Variants in C11orf16 observed in about 807,000 individuals in gnomAD.
C11orf16 encodes the protein uncharacterized protein C11orf16.
Under a neutral mutation model 45.1 loss-of-function variants are expected in C11orf16, and 38 were observed. That is an observed-to-expected ratio of 0.84 (90% CI 0.65 to 1.10). The LOEUF is 1.10. C11orf16 is among the 50% of genes least tolerant of loss of function. C11orf16 has a pLI of 0.00. For missense variants in C11orf16, 583 were observed against 569.5 expected, an observed-to-expected ratio of 1.02 and a Z score of -0.24; for synonymous variants, 221 against 222.0, an observed-to-expected ratio of 1.00 and a Z score of 0.04.
At chr11:8,924,904 GC>G (rs2064599529) in intron 5 of C11orf16, among the ~76,000 whole-genome samples, 1 of 152,198 alleles carries the variant, frequency 6.6e-6, no homozygotes, top group African/African-American at 2.4e-5. Context: ...GCAGTGTGGG[GC>G]TGGCTGCAGA....
At chr11:8,929,618 G>A in intron 2 of C11orf16, 85 bp from the exon 3 acceptor site, 1 of 1,246,736 alleles carries the variant, frequency 8.0e-7, no homozygotes, top group Non-Finnish European at 1.1e-6. Context: ...TACATCTGAG[G>A]TACACCACAG....
chr11:8,932,298 G>A lies in C11orf16; in HGVS notation c.11C>T (p.Ser4Phe), dbSNP rs758900749. 6.2e-6 allele frequency: 10 copies of A among 1,604,530 alleles called. No individual in the cohort carries two copies. The highest frequency in any genetic ancestry group is 8.5e-6 in the Non-Finnish European group (10 of 1,175,888). The stretch of plus-strand genomic sequence containing the variant: ...GAGCAAAGGCATCCTGGGCCCCGTG[G>A]AGGATTCCATGGCCTTCAGAGGATC... MESSTGPRMPLLKY... is the reference protein window; with the variant it reads MESFTGPRMPLLKY... The change falls in exon 2 of 7, where the codon TCC (serine) becomes TTC (phenylalanine). Residue 4 changes from serine (S) to phenylalanine (F), a missense_variant. Ser to Phe is a radical substitution (Grantham distance 155, BLOSUM62 -2). Coordinates refer to ENST00000326053, the MANE Select transcript of C11orf16 (RefSeq NM_020643.3).
chr11:8,927,245 A>G, intron 3 of C11orf16, 71 bp from the exon 4 acceptor site: 2 of 1,246,468 alleles, frequency 1.6e-6, no homozygotes, highest in South Asian at 2.7e-5. Context: ...CAGGTTCCCT[A>G]CGATGCCCCC....
intron 5 of C11orf16, among the ~76,000 whole-genome samples, chr11:8,922,572 T>C (rs906073375): frequency 6.6e-6 from 1 of 152,200 alleles, no homozygotes; most frequent in Non-Finnish European, 1.5e-5. Context: ...TATTAGGATC[T>C]AATTGGAACC....
Position 8,932,237 on chromosome 11 carries a change from A to G in C11orf16, c.72T>C (p.Pro24=), listed in dbSNP as rs988957929. ...AAGGTGGAGCAGCACCGTCCCAGCC[A>G]GGGGCCTTCAGGCTTGTGGCCACGC... The part of the protein sequence containing the change: ...YCSVATSLKA[P]GWDGAAPPWD... Residue 24 remains proline, a synonymous_variant, in exon 2 of 7, where the codon CCT becomes CCC. Transcript: ENST00000326053. 1 of 1,609,750 alleles carries G rather than the reference A, an allele frequency of 6.2e-7. No individual in the cohort carries two copies. The highest frequency in any genetic ancestry group is 8.5e-7 in the Non-Finnish European group (1 of 1,178,254).
chr11:8,920,693 T>C (rs1468781309), intron 6 of C11orf16, among the ~76,000 whole-genome samples: 1 of 152,156 alleles, frequency 6.6e-6, no homozygotes, highest in Non-Finnish European at 1.5e-5. Context: ...TGGTGGCATG[T>C]GCCTAGCTAC....
At chr11:8,920,900 C>T (rs932151084) in intron 6 of C11orf16, among the ~76,000 whole-genome samples, 20 of 152,258 alleles carry the variant, frequency 1.3e-4, no homozygotes, top group African/African-American at 4.8e-4. Context: ...CTCCCAGTTT[C>T]GTTGCCTGGT....
At chr11:8,931,264 C>T (rs1046339655) in intron 2 of C11orf16, among the ~76,000 whole-genome samples, 28 of 152,056 alleles carry the variant, frequency 1.8e-4, no homozygotes, top group Non-Finnish European at 4.4e-5. Context: ...CACTCTGTTC[C>T]CTAGGCTCGA....
At position 8,925,590 on chromosome 11, in the gene C11orf16, C is replaced by CA; in HGVS notation, c.1076dup (p.Met360AspfsTer14). 6.2e-7 allele frequency: 1 copy of CA among 1,614,282 alleles called. No individual in the cohort carries two copies. The highest frequency in any genetic ancestry group is 1.3e-5 in the African/African-American group (1 of 75,080). On this transcript the variant is annotated frameshift_variant, in exon 5 of 7. Coordinates refer to ENST00000326053, the MANE Select transcript of C11orf16 (RefSeq NM_020643.3). LOFTEE classifies it high-confidence loss of function. ...CTGTGTTGACTGCACTGTTCACCATCAGTCTCTGGGGAGGGCCCATCTCCA... is the reference window on the plus strand; with the variant it reads ...CTGTGTTGACTGCACTGTTCACCATCAAGTCTCTGGGGAGGGCCCATCTCCA...
At chr11:8,931,543 C>T (rs554252691) in intron 2 of C11orf16, among the ~76,000 whole-genome samples, 30 of 152,338 alleles carry the variant, frequency 2.0e-4, no homozygotes, top group South Asian at 8.3e-4. Flanking sequence ...TCACCCGCCA[C>T]CATGCCTGGC....
intron 5 of C11orf16, among the ~76,000 whole-genome samples, chr11:8,922,242 G>A (rs1251465606): frequency 1.3e-5 from 2 of 152,094 alleles, no homozygotes; most frequent in East Asian, 3.9e-4. Context: ...GTGCATTGGT[G>A]CACACCTGTA....
In C11orf16 at chr11:8,927,155, AGGAC is replaced by A; in HGVS notation, c.340_343del (p.Val114CysfsTer24). ...AAGAGGAGCCTCGAATTCCACAAGCAGGACCCCCTGTCTCTCCAGCTGTGGGAAA... is the reference window on the plus strand; with the variant it reads ...AAGAGGAGCCTCGAATTCCACAAGCACCCCTGTCTCTCCAGCTGTGGGAAA... On this transcript the variant is annotated frameshift_variant, in exon 4 of 7. Transcript: ENST00000326053. LOFTEE classifies it high-confidence loss of function. 1 of 1,613,932 alleles carries A rather than the reference AGGAC, an allele frequency of 6.2e-7. No individual in the cohort carries two copies.
intron 3 of C11orf16, 74 bp from the exon 4 acceptor site, chr11:8,927,248 A>G: frequency 8.3e-7 from 1 of 1,200,262 alleles, no homozygotes; most frequent in Non-Finnish European, 1.2e-6. Context: ...GTTCCCTACG[A>G]TGCCCCCCAA....
chr11:8,932,945 TCTGACAGTTGGGGCTCAGGGTCTC>T (rs1263914889), exon 1 of C11orf16: 2 of 152,510 alleles, frequency 1.3e-5, no homozygotes, highest in Admixed American at 6.5e-5. Context: ...TCAGGCTCCT[TCTGACAGTTGGGGCTCAGGGTCTC>T]AGCCCAACCG....
chr11:8,931,031 G>A (rs764489754), intron 2 of C11orf16, among the ~76,000 whole-genome samples: 1 of 152,094 alleles, frequency 6.6e-6, no homozygotes, highest in Non-Finnish European at 1.5e-5. Context: ...GAGATGACAC[G>A]CTCCACATGT....
At chr11:8,927,505 G>C in intron 3 of C11orf16, 1 of 428,522 alleles carries the variant, frequency 2.3e-6, no homozygotes, top group Admixed American at 3.1e-5. Flanking sequence ...GGAGTTACCT[G>C]GGTCCTCCCT....
chr11:8,926,533 T>G (rs1469986662), intron 4 of C11orf16, among the ~76,000 whole-genome samples: 1 of 151,808 alleles, frequency 6.6e-6, no homozygotes, highest in East Asian at 1.9e-4. Context: ...GGGCTCACTT[T>G]TCTTGTCAAA....
At chr11:8,927,767 C>A (rs1589934464) in intron 3 of C11orf16, 1 of 410,100 alleles carries the variant, frequency 2.4e-6, no homozygotes, top group Non-Finnish European at 5.0e-6. Context: ...AAAGTACAAG[C>A]TGTTTCAAGT....
chr11:8,925,467 C>T lies in C11orf16; in HGVS notation c.1200G>A (p.Lys400=). ...KRNGPEPCLG[K]PGTRYSNICK... Reference sequence around the variant, plus strand: ...AAGCCCACTCCCCTGGTATACCTGGCTTCCCAAGGCATGGCTCAGGCCCGT... The same window carrying T: ...AAGCCCACTCCCCTGGTATACCTGGTTTCCCAAGGCATGGCTCAGGCCCGT... The change falls in exon 5 of 7, where the codon AAG becomes AAA. Residue 400 remains lysine (K), a synonymous_variant. Coordinates refer to ENST00000326053, the MANE Select transcript of C11orf16 (RefSeq NM_020643.3). The T allele has an allele frequency of 6.2e-7, 1 of 1,610,936 alleles. No individual in the cohort carries two copies. The highest frequency in any genetic ancestry group is 8.5e-7 in the Non-Finnish European group (1 of 1,177,784).
Sources: allele counts gnomAD v4.1 joint callset (sites outside exome capture counted in the v4.1 genomes callset), GRCh38; gene constraint gnomAD v4.1.1; transcripts MANE v1.5; gene names NCBI Gene and HGNC (gene_info 2026-07-23, HGNC 2026-07-21).